The following NKAIN3 variants were observed in gnomAD, a reference collection of about 807,000 sequenced individuals.
NKAIN3 encodes sodium/potassium-transporting ATPase subunit beta-1-interacting protein 3.
A neutral mutation model predicts 30.2 loss-of-function variants in NKAIN3; 25 were observed. The ratio of observed to expected loss-of-function variants is 0.83; its 90% CI spans 0.60 to 1.16. The LOEUF (loss-of-function observed/expected upper bound fraction) is 1.16, where lower values mean the gene tolerates loss of function less well. Among genes scored for constraint, NKAIN3 ranks in the 50% most tolerant of loss-of-function variants. NKAIN3 has a pLI of 0.00. For synonymous variants in NKAIN3, 91 were observed against 89.6 expected (o/e 1.02, Z -0.09); for missense variants, 225 against 254.1 (o/e 0.89, Z 0.78).
At chr8:62,640,054 T>C (rs1166408524) in intron 3 of NKAIN3, among the ~76,000 whole-genome samples, 5 of 152,176 alleles carry the variant, frequency 3.3e-5, no homozygotes, top group Non-Finnish European at 7.4e-5. Flanking sequence ...CTAACCATTT[T>C]GTATGTGAAA....
At chr8:62,611,198 G>T (rs929469017) in intron 3 of NKAIN3, among the ~76,000 whole-genome samples, 4 of 151,896 alleles carry the variant, frequency 2.6e-5, no homozygotes, top group Non-Finnish European at 4.4e-5. Context: ...GTATATAGTA[G>T]CTGTATATAT....
chr8:62,883,462 T>TTTTTTTTTTTTTTTTTTTTTTTTC (rs1821055944), intron 4 of NKAIN3, among the ~76,000 whole-genome samples: 1 of 144,456 alleles, frequency 6.9e-6, no homozygotes, highest in Non-Finnish European at 1.5e-5. Flanking sequence ...TATGGGTTTT[T>TTTTTTTTTTTTTTTTTTTTTTTTC]TTTTTTTTTT....
intron 1 of NKAIN3, among the ~76,000 whole-genome samples, chr8:62,270,525 G>A (rs774713079): frequency 3.9e-5 from 6 of 151,990 alleles, no homozygotes; most frequent in South Asian, 2.1e-4. Flanking sequence ...TAATTAAATC[G>A]AATTAATGCA....
intron 1 of NKAIN3, among the ~76,000 whole-genome samples, chr8:62,448,393 A>AGGCC (rs1205670645): frequency 6.6e-6 from 1 of 151,284 alleles, no homozygotes; most frequent in African/African-American, 2.4e-5. Context: ...GAGAGATTGA[A>AGGCC]GGCCTATGAT....
chr8:62,291,532 A>T (rs570165202), intron 1 of NKAIN3, among the ~76,000 whole-genome samples: 1 of 152,124 alleles, frequency 6.6e-6, no homozygotes. Flanking sequence ...TTCAGTTTCC[A>T]TGTAGTTTAG....
chr8:62,895,985 C>CTTTTTTTTTT (rs59333584), intron 4 of NKAIN3, among the ~76,000 whole-genome samples: 1 of 150,600 alleles, frequency 6.6e-6, no homozygotes, highest in Non-Finnish European at 1.5e-5. Flanking sequence ...TAGATCCTGG[C>CTTTTTTTTTT]TTTTTTTTTC....
chr8:62,955,836 C>T (rs147280695), intron 6 of NKAIN3, among the ~76,000 whole-genome samples: 1 of 152,338 alleles, frequency 6.6e-6, no homozygotes, highest in African/African-American at 2.4e-5. Flanking sequence ...ATCAACTCCA[C>T]TGTCTGCTCC....
At chr8:62,330,014 A>T (rs556096046) in intron 1 of NKAIN3, among the ~76,000 whole-genome samples, 3 of 152,092 alleles carry the variant, frequency 2.0e-5, no homozygotes, top group African/African-American at 7.2e-5. Context: ...TGCAGCACCT[A>T]TCTCAGTCTT....
At chr8:62,674,504 G>A (rs924851168) in intron 3 of NKAIN3, among the ~76,000 whole-genome samples, 5 of 152,174 alleles carry the variant, frequency 3.3e-5, no homozygotes, top group African/African-American at 1.2e-4. Flanking sequence ...AATGATTGCA[G>A]GTATCCTGCT....
chr8:62,709,233 C>T (rs552692616), intron 3 of NKAIN3, among the ~76,000 whole-genome samples: 2 of 152,250 alleles, frequency 1.3e-5, no homozygotes, highest in East Asian at 3.9e-4. Context: ...ATGCTGGCTT[C>T]ATAGAATGAA....
chr8:62,722,255 G>C (rs768981054), intron 3 of NKAIN3, among the ~76,000 whole-genome samples: 1 of 152,124 alleles, frequency 6.6e-6, no homozygotes, highest in African/African-American at 2.4e-5. Context: ...CTTCATTTAA[G>C]GAAATTCAAG....
intron 4 of NKAIN3, among the ~76,000 whole-genome samples, chr8:62,814,705 C>A (rs1197498607): frequency 5.9e-5 from 9 of 151,804 alleles, no homozygotes; most frequent in Non-Finnish European, 1.2e-4. Flanking sequence ...CACAACATAC[C>A]AGAATCTCTG....
intron 3 of NKAIN3, among the ~76,000 whole-genome samples, chr8:62,635,039 T>C (rs1254537734): frequency 6.6e-6 from 1 of 151,498 alleles, no homozygotes; most frequent in Admixed American, 6.6e-5. Context: ...ACCTGGGGGG[T>C]CGGGGGCATG....
At chr8:62,392,803 C>A (rs968897605) in intron 1 of NKAIN3, among the ~76,000 whole-genome samples, 1 of 151,902 alleles carries the variant, frequency 6.6e-6, no homozygotes, top group Non-Finnish European at 1.5e-5. Context: ...TTTTTTAAAA[C>A]TGCAGATTAG....
intron 1 of NKAIN3, among the ~76,000 whole-genome samples, chr8:62,503,077 C>T (rs1400314684): frequency 2.0e-5 from 3 of 152,180 alleles, no homozygotes; most frequent in African/African-American, 4.8e-5. Flanking sequence ...CCTCCTGTCA[C>T]ATCAGAAGTG....
chr8:62,973,144 G>A lies in NKAIN3; in HGVS notation c.*7737G>A, dbSNP rs1470872758. On this transcript the variant is annotated 3_prime_UTR_variant, in exon 7 of 7. Transcript: ENST00000623646. The stretch of plus-strand genomic sequence containing the variant: ...CTGCAATAAACATAGGAGTGCATGT[G>A]TCATTATAGTAGAATGATTTATAAT... Among the ~76,000 whole-genome samples the A allele has an allele frequency of 6.6e-6, 1 of 152,168 alleles. No homozygotes were observed. The highest frequency in any genetic ancestry group is 2.4e-5 in the African/African-American group (1 of 41,440).
chr8:62,319,502 T>A (rs1188871229), intron 1 of NKAIN3, among the ~76,000 whole-genome samples: 6 of 152,092 alleles, frequency 3.9e-5, no homozygotes, highest in Admixed American at 2.0e-4. Flanking sequence ...CACTGCTTTA[T>A]ATGTGTCCCA....
At chr8:62,441,519 T>C (rs1254675652) in intron 1 of NKAIN3, among the ~76,000 whole-genome samples, 3 of 151,982 alleles carry the variant, frequency 2.0e-5, no homozygotes, top group Admixed American at 6.6e-5. Flanking sequence ...TATTTTATCT[T>C]GTGAGTTTTA....
chr8:62,877,297 G>T (rs1820828766), intron 4 of NKAIN3, among the ~76,000 whole-genome samples: 1 of 152,238 alleles, frequency 6.6e-6, no homozygotes. Context: ...CCCCCAATAA[G>T]GTGTTCTCAG....
Sources: allele counts gnomAD v4.1 joint callset (sites outside exome capture counted in the v4.1 genomes callset), GRCh38; gene constraint gnomAD v4.1.1; transcripts MANE v1.5; gene names NCBI Gene and HGNC (gene_info 2026-07-23, HGNC 2026-07-21).